The following UBA2 variants were observed in gnomAD, a reference collection of about 807,000 sequenced individuals.
UBA2 encodes ubiquitin like modifier activating enzyme 2.
Under a neutral mutation model 77.2 loss-of-function variants are expected in UBA2, and 11 were observed. That is an observed-to-expected ratio of 0.14 (90% CI 0.09 to 0.24). UBA2 has a LOEUF of 0.24. Among genes scored for constraint, UBA2 ranks in the 10% least tolerant of loss-of-function variants. The pLI, the probability that UBA2 is intolerant of heterozygous loss-of-function variation, is 1.00. For synonymous variants in UBA2, 278 were observed against 276.7 expected, an observed-to-expected ratio of 1.00 and a Z score of -0.05; for missense variants, 487 against 781.7, an observed-to-expected ratio of 0.62 and a Z score of 4.50.
intron 10 of UBA2, among the ~76,000 whole-genome samples, chr19:34,453,600 T>C (rs755883133): frequency 2.6e-4 from 40 of 151,358 alleles, no homozygotes; most frequent in Non-Finnish European, 5.3e-4. Context: ...CTTGGCTTAC[T>C]GCAGCCTCTG....
chr19:34,450,453 A>G (rs533018208), intron 9 of UBA2, 89 bp downstream of exon 9: 2 of 802,846 alleles, frequency 2.5e-6, no homozygotes, highest in Admixed American at 3.6e-5. Flanking sequence ...CTTGAAAATG[A>G]TATGTCTTCA....
chr19:34,439,327 A>G (rs1221119298), intron 6 of UBA2, among the ~76,000 whole-genome samples: 1 of 152,232 alleles, frequency 6.6e-6, no homozygotes, highest in Non-Finnish European at 1.5e-5. Flanking sequence ...TTACTTACAA[A>G]TAACCCATTG....
At chr19:34,431,715 T>C in intron 2 of UBA2, 146 bp from the exon 3 acceptor site, 1 of 675,392 alleles carries the variant, frequency 1.5e-6, no homozygotes, top group Non-Finnish European at 2.6e-6. Context: ...TTAACCCTAA[T>C]GCAATTTTCT....
At chr19:34,459,486 T>C (rs1189999029) in intron 13 of UBA2, among the ~76,000 whole-genome samples, 1 of 152,162 alleles carries the variant, frequency 6.6e-6, no homozygotes, top group Non-Finnish European at 1.5e-5. Flanking sequence ...TTATCTAATA[T>C]GACCTGATTC....
chr19:34,433,771 T>G (rs1295829236), intron 4 of UBA2, among the ~76,000 whole-genome samples: 1 of 151,986 alleles, frequency 6.6e-6, no homozygotes, highest in Non-Finnish European at 1.5e-5. Flanking sequence ...ACCAACCTAG[T>G]CAACATGGTG....
intron 5 of UBA2, 64 bp downstream of exon 5, chr19:34,435,032 A>G: frequency 8.8e-7 from 1 of 1,135,004 alleles, no homozygotes; most frequent in Non-Finnish European, 1.3e-6. Flanking sequence ...AGCAGGAGGA[A>G]ATAAACTTTG....
intron 14 of UBA2, among the ~76,000 whole-genome samples, chr19:34,460,869 A>G (rs1012214467): frequency 1.3e-5 from 2 of 152,200 alleles, no homozygotes; most frequent in Non-Finnish European, 2.9e-5. Flanking sequence ...GTCAGATCAC[A>G]GTGGGTAGGG....
At position 34,470,979 on chromosome 19, in the gene UBA2, GTTTACCAAAGTCCATT is replaced by G. The variant is rs2075728856; in HGVS notation, c.*1761_*1776del. ...CAGTGTTTGTCTGGGTTGTCCCCTAGTTTACCAAAGTCCATTTTGAATGTACCATCCCCAGCCCAAC... is the reference window on the plus strand; with the variant it reads ...CAGTGTTTGTCTGGGTTGTCCCCTAGTTGAATGTACCATCCCCAGCCCAAC... On this transcript the variant is annotated 3_prime_UTR_variant, in exon 17 of 17. Coordinates refer to ENST00000246548, the MANE Select transcript of UBA2 (RefSeq NM_005499.3). The G allele has an allele frequency of 1.3e-5, 2 of 152,186 alleles. No homozygotes were observed. The highest frequency in any genetic ancestry group is 2.4e-5 in the African/African-American group (1 of 41,434). The allele number at this position is 152,186 out of a possible 1,614,324, so 9.4% of individuals were successfully genotyped here. A position where few individuals can be genotyped will look rare whatever the true frequency, so the allele number is the denominator to read the frequency against.
intron 4 of UBA2, among the ~76,000 whole-genome samples, chr19:34,434,457 C>T (rs967036206): frequency 2.6e-5 from 4 of 152,172 alleles, no homozygotes; most frequent in African/African-American, 9.7e-5. Flanking sequence ...TTTCCCTAGC[C>T]TTAAACTACT....
At chr19:34,450,018 G>A (rs759291500) in intron 8 of UBA2, among the ~76,000 whole-genome samples, 14 of 152,264 alleles carry the variant, frequency 9.2e-5, no homozygotes, top group Admixed American at 7.9e-4. Flanking sequence ...AGGGGCAGTC[G>A]GCAGTTCAGG....
intron 5 of UBA2, 44 bp from the exon 6 acceptor site, chr19:34,438,601 A>G (rs1179935852): frequency 6.2e-7 from 1 of 1,608,446 alleles, no homozygotes; most frequent in East Asian, 2.2e-5. Context: ...ATGTTGAGAA[A>G]CTGCCATCAT....
chr19:34,438,888 A>C (rs2075337994), intron 6 of UBA2, 122 bp downstream of exon 6: 1 of 1,317,576 alleles, frequency 7.6e-7, no homozygotes, highest in South Asian at 1.4e-5. Context: ...GGGATGCTTT[A>C]GTAGCTTTCT....
chr19:34,441,584 A>G (rs1442777420), intron 6 of UBA2, among the ~76,000 whole-genome samples: 1 of 152,228 alleles, frequency 6.6e-6, no homozygotes, highest in African/African-American at 2.4e-5. Flanking sequence ...TAATTTTTGC[A>G]CTCAGAAAAG....
chr19:34,467,502 T>A (rs916970607), intron 16 of UBA2, among the ~76,000 whole-genome samples: 1 of 148,680 alleles, frequency 6.7e-6, no homozygotes, highest in Non-Finnish European at 1.5e-5. Context: ...AGGCCTGGCA[T>A]GGTGGCTCAC....
intron 14 of UBA2, among the ~76,000 whole-genome samples, chr19:34,463,676 G>A (rs539202607): frequency 2.0e-5 from 3 of 152,016 alleles, no homozygotes; most frequent in African/African-American, 7.2e-5. Context: ...ACAGTCACAC[G>A]CCTCACTGTG....
chr19:34,433,261 ATGT>A, intron 3 of UBA2, 84 bp from the exon 4 acceptor site: 1 of 921,186 alleles, frequency 1.1e-6, no homozygotes, highest in Non-Finnish European at 1.7e-6. Flanking sequence ...TACAGTTACT[ATGT>A]TTTTTTCAGA....
intron 9 of UBA2, 125 bp downstream of exon 9, chr19:34,450,489 T>C (rs1568376971): frequency 3.4e-6 from 2 of 589,688 alleles, no homozygotes; most frequent in Non-Finnish European, 5.5e-6. Context: ...CAAAAAAATA[T>C]GAAGAACAAA....
chr19:34,456,625 T>C (rs934052547), intron 12 of UBA2, among the ~76,000 whole-genome samples: 1 of 151,862 alleles, frequency 6.6e-6, no homozygotes, highest in African/African-American at 2.4e-5. Flanking sequence ...TGGCGCGATC[T>C]CAGCTCACTG....
intron 2 of UBA2, 95 bp downstream of exon 2, chr19:34,430,754 G>A: frequency 1.1e-6 from 1 of 892,352 alleles, no homozygotes. Context: ...GGAAAAAATG[G>A]GTGAAGCTCT....
Sources: gnomAD v4.1 joint callset for allele counts (sites outside exome capture counted in the v4.1 genomes callset) on GRCh38, gnomAD v4.1.1 for gene constraint, MANE v1.5 for transcripts, NCBI Gene and HGNC (gene_info 2026-07-23, HGNC 2026-07-21) for gene names.